Variants in GRIK2 observed in about 807,000 individuals in gnomAD.
GRIK2 encodes glutamate ionotropic receptor kainate type subunit 2.
GRIK2 carries 32 observed loss-of-function variants against 100.3 expected under a neutral mutation model. The observed-to-expected ratio is 0.32, with a 90% CI of 0.24 to 0.43. The LOEUF (loss-of-function observed/expected upper bound fraction) is 0.43. GRIK2 is among the 20% of genes least tolerant of loss of function. The pLI, the probability that GRIK2 is intolerant of heterozygous loss-of-function variation, is 1.00. For missense variants in GRIK2, 843 were observed against 1,114.9 expected, an observed-to-expected ratio of 0.76 and a Z score of 3.47; for synonymous variants, 417 against 389.4, an observed-to-expected ratio of 1.07 and a Z score of -0.83.
intron 14 of GRIK2, among the ~76,000 whole-genome samples, chr6:101,981,472 C>T (rs138158599): frequency 7.0e-4 from 106 of 151,902 alleles, no homozygotes; most frequent in Non-Finnish European, 1.4e-3. Flanking sequence ...TCCTCACTAT[C>T]CAGAGTCTAC....
chr6:101,893,484 A>T (rs1787238053), intron 12 of GRIK2, among the ~76,000 whole-genome samples: 1 of 151,796 alleles, frequency 6.6e-6, no homozygotes, highest in Non-Finnish European at 1.5e-5. Flanking sequence ...GAGTGATTTA[A>T]ATATTGTCAA....
At chr6:101,452,186 T>C (rs1368604947) in intron 2 of GRIK2, among the ~76,000 whole-genome samples, 1 of 151,812 alleles carries the variant, frequency 6.6e-6, no homozygotes, top group African/African-American at 2.4e-5. Flanking sequence ...GATCTCCATA[T>C]GTTAAACACT....
chr6:102,051,641 T>C (rs1461658165), intron 15 of GRIK2, among the ~76,000 whole-genome samples: 2 of 152,154 alleles, frequency 1.3e-5, no homozygotes, highest in East Asian at 3.9e-4. Flanking sequence ...GGTCACCCTG[T>C]GACCATATAG....
At chr6:102,019,533 G>A (rs188606872) in intron 14 of GRIK2, among the ~76,000 whole-genome samples, 76 of 152,116 alleles carry the variant, frequency 5.0e-4, no homozygotes, top group South Asian at 2.3e-3. Flanking sequence ...AGGAATGAAA[G>A]GAGTGCAGTT....
intron 7 of GRIK2, among the ~76,000 whole-genome samples, chr6:101,754,102 C>A (rs745514737): frequency 3.4e-5 from 5 of 146,584 alleles, no homozygotes; most frequent in Non-Finnish European, 7.4e-5. Context: ...TCTTAGATAA[C>A]TTCTTCTCCT....
chr6:101,582,415 A>AT (rs1350323635), intron 2 of GRIK2, among the ~76,000 whole-genome samples: 1 of 152,026 alleles, frequency 6.6e-6, no homozygotes, highest in African/African-American at 2.4e-5. Context: ...AGATTTGATG[A>AT]TTTTATAAGG....
chr6:101,590,328 G>A (rs1289582582), intron 2 of GRIK2, among the ~76,000 whole-genome samples: 1 of 152,058 alleles, frequency 6.6e-6, no homozygotes, highest in Non-Finnish European at 1.5e-5. Flanking sequence ...AAGGGCATTG[G>A]AGAGCAATGT....
rs565375228 is a variant in GRIK2, at chr6:101,761,069, A to T, written c.952-38579A>T. 9.9e-5 allele frequency among the ~76,000 whole-genome samples: 15 copies of T among 152,276 alleles called. No individual in the cohort carries two copies. The South Asian group carries it at 2.7e-3, about 27-fold the overall frequency. On this transcript the variant is annotated intron_variant, in intron 7 of 16. Coordinates refer to ENST00000369134, the MANE Select transcript of GRIK2 (RefSeq NM_021956.5). ...TATCCAAAGACAGTTAAATGGTTCAAAGAACTCTAATATTGAGTGTCCTCT... is the reference window on the plus strand; with the variant it reads ...TATCCAAAGACAGTTAAATGGTTCATAGAACTCTAATATTGAGTGTCCTCT...
chr6:101,752,032 T>C (rs1211939991), intron 7 of GRIK2, among the ~76,000 whole-genome samples: 2 of 152,178 alleles, frequency 1.3e-5, no homozygotes, highest in African/African-American at 4.8e-5. Context: ...TAGTTTCCCA[T>C]TCATACAATT....
intron 10 of GRIK2, among the ~76,000 whole-genome samples, chr6:101,838,664 T>G (rs1432614525): frequency 6.6e-6 from 1 of 152,010 alleles, no homozygotes; most frequent in African/African-American, 2.4e-5. Flanking sequence ...CTTTTTTTTT[T>G]TTTTGAGACG....
chr6:101,522,835 A>G (rs1417741503), intron 2 of GRIK2, among the ~76,000 whole-genome samples: 1 of 151,788 alleles, frequency 6.6e-6, no homozygotes, highest in Non-Finnish European at 1.5e-5. Context: ...TTCTGTGACT[A>G]CATCTGCTTT....
At chr6:101,806,396 T>C (rs1259364920) in intron 9 of GRIK2, among the ~76,000 whole-genome samples, 2 of 152,092 alleles carry the variant, frequency 1.3e-5, no homozygotes, top group Admixed American at 6.6e-5. Context: ...CTTTCAACTG[T>C]ACAACTACAT....
chr6:101,506,036 A>G (rs1774010298), intron 2 of GRIK2, among the ~76,000 whole-genome samples: 1 of 152,156 alleles, frequency 6.6e-6, no homozygotes, highest in African/African-American at 2.4e-5. Context: ...TGACATTGTT[A>G]TACGTACTTT....
chr6:101,921,383 AAT>A (rs1789481639), intron 12 of GRIK2, among the ~76,000 whole-genome samples: 2 of 152,058 alleles, frequency 1.3e-5, no homozygotes, highest in African/African-American at 4.8e-5. Context: ...AATAGGATTT[AAT>A]ATATATATTT....
At chr6:101,699,189 T>C (rs1772703511) in intron 7 of GRIK2, among the ~76,000 whole-genome samples, 1 of 152,178 alleles carries the variant, frequency 6.6e-6, no homozygotes, top group African/African-American at 2.4e-5. Flanking sequence ...GTCCTGGTAT[T>C]TCTGCTGAAA....
intron 10 of GRIK2, 106 bp downstream of exon 10, chr6:101,818,589 A>T: frequency 1.5e-6 from 1 of 659,668 alleles, no homozygotes; most frequent in Non-Finnish European, 2.7e-6. Flanking sequence ...TGTATTTTAC[A>T]GTTATTTAGC....
intron 12 of GRIK2, among the ~76,000 whole-genome samples, chr6:101,921,268 G>A (rs1312985765): frequency 1.3e-5 from 1 of 74,578 alleles, no homozygotes; most frequent in East Asian, 4.7e-4. Context: ...GATAAGAAAT[G>A]TAATAAAAGA....
intron 15 of GRIK2, 67 bp from the exon 16 acceptor site, chr6:102,055,263 C>G: frequency 7.8e-7 from 1 of 1,276,320 alleles, no homozygotes; most frequent in African/African-American, 1.5e-5. Flanking sequence ...CTCCTCTCAT[C>G]TTGCTAACCT....
chr6:101,901,723 T>C (rs1787857265), intron 12 of GRIK2, among the ~76,000 whole-genome samples: 1 of 151,920 alleles, frequency 6.6e-6, no homozygotes, highest in Admixed American at 6.6e-5. Flanking sequence ...TTATTGTTTT[T>C]AGTTATCCAT....
Sources: gnomAD v4.1 joint callset for allele counts (sites outside exome capture counted in the v4.1 genomes callset) on GRCh38, gnomAD v4.1.1 for gene constraint, MANE v1.5 for transcripts, NCBI Gene and HGNC (gene_info 2026-07-23, HGNC 2026-07-21) for gene names.